CERKL: variants seen among roughly 807,000 people sequenced by gnomAD.
CERKL encodes CERK like autophagy regulator.
CERKL carries 61 observed loss-of-function variants against 63.4 expected under a neutral mutation model. The observed-to-expected ratio is 0.96, with a 90% CI of 0.78 to 1.19. The LOEUF is 1.19. CERKL is among the 50% of genes most tolerant of loss of function. The pLI is 0.00. For synonymous variants in CERKL, 250 were observed against 230.5 expected (o/e 1.08, Z -0.77); for missense variants, 675 against 655.5 (o/e 1.03, Z -0.33).
At chr2:181,612,232 C>CA (rs1269368496) in intron 1 of CERKL, among the ~76,000 whole-genome samples, 1 of 152,182 alleles carries the variant, frequency 6.6e-6, no homozygotes, top group East Asian at 1.9e-4. Context: ...AGACCTTCTT[C>CA]AAGGAAACAA....
At chr2:181,643,761 G>T (rs1687549023) in intron 1 of CERKL, among the ~76,000 whole-genome samples, 1 of 152,162 alleles carries the variant, frequency 6.6e-6, no homozygotes, top group Non-Finnish European at 1.5e-5. Flanking sequence ...TCCCTAAATT[G>T]ATCACTCTTA....
chr2:181,631,615 C>T (rs1006532768), intron 1 of CERKL, among the ~76,000 whole-genome samples: 1 of 152,102 alleles, frequency 6.6e-6, no homozygotes, highest in Admixed American at 6.5e-5. Context: ...AGCTCATGCT[C>T]TCATTTAAAG....
At position 181,637,349 on chromosome 2, in the gene CERKL, T is replaced by C. The variant is rs1687223254; in HGVS notation, c.238+19420A>G. Among the ~76,000 whole-genome samples, 3 of 152,150 alleles carry C rather than the reference T, an allele frequency of 2.0e-5. No homozygotes were observed. In the South Asian group the frequency reaches 6.2e-4, roughly 31 times the overall value. ...AAAGTAAAGTTTTTTATTAAACCAC[T>C]ATTTGCGATAACAAAAATGACTAGA... On this transcript the variant is annotated intron_variant, in intron 1 of 12. Coordinates refer to ENST00000410087, the MANE Select transcript of CERKL (RefSeq NM_201548.5).
intron 1 of CERKL, among the ~76,000 whole-genome samples, chr2:181,643,177 G>A (rs1687521631): frequency 6.6e-6 from 1 of 152,168 alleles, no homozygotes; most frequent in Non-Finnish European, 1.5e-5. Context: ...AATGCCTAAA[G>A]GCCATAGAAA....
chr2:181,562,955 A>C (rs1688510144), intron 4 of CERKL, among the ~76,000 whole-genome samples: 1 of 152,184 alleles, frequency 6.6e-6, no homozygotes, highest in Non-Finnish European at 1.5e-5. Context: ...TTAATGGTGA[A>C]ATGAACAAAA....
chr2:181,567,838 T>C lies in CERKL; in HGVS notation c.614-1717A>G, dbSNP rs533445423. Among the ~76,000 whole-genome samples the C allele has an allele frequency of 8.9e-4, 136 of 152,284 alleles. 1 individual carries two copies. Among genetic ancestry groups the C allele is most frequent in the Non-Finnish European group, 1.7e-3 (119 of 68,018 alleles). On this transcript the variant is annotated intron_variant, in intron 3 of 12. Coordinates refer to ENST00000410087, the MANE Select transcript of CERKL (RefSeq NM_201548.5). ...TAAATATAGTAGAAAGGACCAAATA[T>C]GTATTTAGACAGGCTATTGTGGGCC...
At chr2:181,555,752 CTTT>C (rs34713780) in intron 5 of CERKL, among the ~76,000 whole-genome samples, 5 of 120,130 alleles carry the variant, frequency 4.2e-5, no homozygotes, top group Non-Finnish European at 5.1e-5. Context: ...CATTATTAAA[CTTT>C]TTTTTTTTTT....
chr2:181,653,674 C>A (rs1688028353), intron 1 of CERKL, among the ~76,000 whole-genome samples: 1 of 152,086 alleles, frequency 6.6e-6, no homozygotes, highest in South Asian at 2.1e-4. Context: ...ATGTCACTCA[C>A]ATGTAGAATC....
chr2:181,538,361 A>AACAGAGCTGT (rs1687305727), intron 12 of CERKL, 117 bp from the exon 13 acceptor site: 1 of 645,696 alleles, frequency 1.5e-6, no homozygotes, highest in Non-Finnish European at 2.8e-6. Context: ...CAGCATTCCC[A>AACAGAGCTGT]ACAGAGCTGT....
chr2:181,542,256 G>T (rs1277922196), intron 11 of CERKL, among the ~76,000 whole-genome samples: 1 of 152,170 alleles, frequency 6.6e-6, no homozygotes, highest in Non-Finnish European at 1.5e-5. Context: ...GGAAGGAACA[G>T]GAGCCACTCC....
At chr2:181,643,090 C>A (rs1183339649) in intron 1 of CERKL, among the ~76,000 whole-genome samples, 1 of 152,164 alleles carries the variant, frequency 6.6e-6, no homozygotes, top group African/African-American at 2.4e-5. Context: ...ATACAACACC[C>A]CTCCACACAC....
At chr2:181,609,058 A>C (rs1380829918) in intron 1 of CERKL, among the ~76,000 whole-genome samples, 1 of 152,216 alleles carries the variant, frequency 6.6e-6, no homozygotes, top group African/African-American at 2.4e-5. Flanking sequence ...ATAAGTGGAG[A>C]TACAACAAGT....
At chr2:181,575,847 T>C (rs962976197) in intron 2 of CERKL, among the ~76,000 whole-genome samples, 3 of 152,174 alleles carry the variant, frequency 2.0e-5, no homozygotes, top group African/African-American at 4.8e-5. Flanking sequence ...ATCCCCACTT[T>C]TGTCAAAATT....
Position 181,616,210 on chromosome 2 carries a change from T to C in CERKL, c.239-12131A>G, listed in dbSNP as rs1442426949. ...ATGAAACAGTCAAAAATCTAAATTTTTTTTTTTTTTTTTTTTTTTTTAAGA... is the reference window on the plus strand; with the variant it reads ...ATGAAACAGTCAAAAATCTAAATTTCTTTTTTTTTTTTTTTTTTTTTAAGA... On this transcript the variant is annotated intron_variant, in intron 1 of 12. Coordinates refer to ENST00000410087, the MANE Select transcript of CERKL (RefSeq NM_201548.5). 4.9e-5 allele frequency among the ~76,000 whole-genome samples: 7 copies of C among 143,662 alleles called. No homozygotes were observed. The East Asian group carries it at 1.2e-3, about 25-fold the overall frequency. The allele number at this position is 143,662 out of a possible 152,430, so 94.2% of individuals were successfully genotyped here. A position where few individuals can be genotyped will look rare whatever the true frequency, so the allele number is the denominator to read the frequency against.
chr2:181,628,647 C>A (rs59423625), intron 1 of CERKL, among the ~76,000 whole-genome samples: 27,597 of 152,102 alleles, frequency 0.18, 4,031 homozygotes, highest in African/African-American at 0.4. Flanking sequence ...CTTTTCTGCT[C>A]TTCAAGGGGA....
intron 1 of CERKL, among the ~76,000 whole-genome samples, chr2:181,617,865 T>C (rs1242753016): frequency 6.6e-6 from 1 of 152,238 alleles, no homozygotes; most frequent in Non-Finnish European, 1.5e-5. Context: ...CACAATTATC[T>C]GAACATATTA....
In CERKL at chr2:181,656,973, C is replaced by T. The variant is rs376374604; in HGVS notation, c.34G>A (p.Ala12Thr). Residue 12 changes from alanine to threonine, a missense_variant, in exon 1 of 13, where the codon GCC becomes ACC. Ala to Thr is a moderately conservative substitution (Grantham distance 58). Transcript: ENST00000410087. ...TCTTCCTCCCGGCCGCCCTCCAGGGCACTCACCCGGTTCCTGCGCCTCCTC... is the reference window on the plus strand; with the variant it reads ...TCTTCCTCCCGGCCGCCCTCCAGGGTACTCACCCGGTTCCTGCGCCTCCTC... Reference protein sequence around the residue: ...PWRRRRNRVSALEGGREEEAP... With the variant: ...PWRRRRNRVSTLEGGREEEAP... 8.2e-6 allele frequency: 13 copies of T among 1,584,548 alleles called. No homozygotes were observed. Among genetic ancestry groups the T allele is most frequent in the Admixed American group, 1.7e-5 (1 of 58,862 alleles).
chr2:181,647,004 T>C (rs2105529675), intron 1 of CERKL, among the ~76,000 whole-genome samples: 1 of 152,282 alleles, frequency 6.6e-6, no homozygotes, highest in East Asian at 1.9e-4. Flanking sequence ...GGCAGGGAAC[T>C]GTTAGAATGG....
Position 181,537,002 on chromosome 2 carries a change from A to C in CERKL, c.*1182T>G. 1 of 449,436 alleles carries C rather than the reference A, an allele frequency of 2.2e-6. No homozygotes were observed. The highest frequency in any genetic ancestry group is 1.6e-5 in the South Asian group (1 of 63,462). The allele number at this position is 449,436 out of a possible 1,614,324, so 27.8% of individuals were successfully genotyped here. ...GAAAGTTATCTGTTCACAGGCCTGC[A>C]GTGATGGTGAGGAATGTTCTGAGAT... On this transcript the variant is annotated 3_prime_UTR_variant, in exon 13 of 13. Transcript: ENST00000410087.
Sources: allele counts gnomAD v4.1 joint callset (sites outside exome capture counted in the v4.1 genomes callset), GRCh38; gene constraint gnomAD v4.1.1; transcripts MANE v1.5; gene names NCBI Gene and HGNC (gene_info 2026-07-23, HGNC 2026-07-21).